The following PDE1A variants were observed in gnomAD, a reference collection of about 807,000 sequenced individuals.
PDE1A encodes the protein phosphodiesterase 1A.
In PDE1A, 35 loss-of-function variants were observed where a neutral mutation model predicts 61.7. The observed-to-expected ratio is 0.57, with a 90% confidence interval of 0.43 to 0.75. The LOEUF (loss-of-function observed/expected upper bound fraction) is 0.75, where lower values mean the gene tolerates loss of function less well. Among genes scored for constraint, PDE1A ranks in the 30% least tolerant of loss-of-function variants. The pLI is 0.00. For missense variants in PDE1A, 597 were observed against 630.6 expected (o/e 0.95, Z 0.57); for synonymous variants, 232 against 213.2 (o/e 1.09, Z -0.77).
At chr2:182,560,291 C>T in the PDE1A span, among the ~76,000 whole-genome samples, 4 of 147,178 alleles carry the variant, frequency 2.7e-5, no homozygotes, top group Non-Finnish European at 5.9e-5. Flanking sequence ...TCAATTCCCA[C>T]CTATGAGTGA....
At chr2:182,143,050 T>G (rs977244611), downstream of PDE1A, 1 of 152,170 alleles carries the variant, frequency 6.6e-6, no homozygotes, top group African/African-American at 2.4e-5. Flanking sequence ...TGAAATAAAA[T>G]CCAAATGAAA....
At chr2:182,432,170 A>T (rs1703983960) in intron 2 of PDE1A, among the ~76,000 whole-genome samples, 1 of 152,082 alleles carries the variant, frequency 6.6e-6, no homozygotes, top group African/African-American at 2.4e-5. Context: ...GTTGGACCAG[A>T]TGACCTCTAA....
rs191140197 is a variant in PDE1A, at chr2:182,274,006, T to C, written c.54-9592A>G. Among the ~76,000 whole-genome samples, 366 of 152,244 alleles carry C rather than the reference T, an allele frequency of 2.4e-3. 1 individual carries two copies. The highest frequency in any genetic ancestry group is 8.5e-3 in the African/African-American group (353 of 41,560). On this transcript the variant is annotated intron_variant, in intron 1 of 13. Coordinates refer to ENST00000351439, the Ensembl canonical transcript of PDE1A. ...CTGACCGAGGTGTTGGCAGATTCAA[T>C]GTCTGGTGAGGGCCTTCTTCCCAGT...
At chr2:182,513,248 C>A (rs1689922448) in intron 2 of PDE1A, among the ~76,000 whole-genome samples, 1 of 152,146 alleles carries the variant, frequency 6.6e-6, no homozygotes, top group Non-Finnish European at 1.5e-5. Flanking sequence ...AATAGCAGAC[C>A]TTTCAACAAA....
chr2:182,336,138 G>A (rs1408742797), intron 1 of PDE1A, among the ~76,000 whole-genome samples: 1 of 152,186 alleles, frequency 6.6e-6, no homozygotes, highest in East Asian at 1.9e-4. Context: ...AAGAGGATGT[G>A]AAGAAATAGG....
chr2:182,407,693 G>T (rs998632825), intron 1 of PDE1A, among the ~76,000 whole-genome samples: 1 of 151,982 alleles, frequency 6.6e-6, no homozygotes, highest in African/African-American at 2.4e-5. Context: ...CATACTTTAC[G>T]TAGCATATTT....
chr2:182,181,164 G>A (rs1684727608), intron 13 of PDE1A, among the ~76,000 whole-genome samples: 1 of 152,202 alleles, frequency 6.6e-6, no homozygotes, highest in Admixed American at 6.5e-5. Context: ...GAGGAGAAGA[G>A]GCATTCTGGC....
the PDE1A span, among the ~76,000 whole-genome samples, chr2:182,529,832 T>C: frequency 6.6e-6 from 1 of 152,220 alleles, no homozygotes; most frequent in Non-Finnish European, 1.5e-5. Context: ...AAGATGTGAC[T>C]TGATTTCCAC....
chr2:182,185,911 C>T lies in PDE1A; in HGVS notation c.1497G>A (p.Trp499Ter). 6.2e-7 allele frequency: 1 copy of T among 1,614,006 alleles called. No homozygotes were observed. The highest frequency in any genetic ancestry group is 1.7e-4 in the Middle Eastern group (1 of 6,060). The change falls in exon 13 of 14, where the codon TGG becomes TGA. Residue 499 changes from tryptophan to a stop codon, truncating the protein, a stop_gained. Transcript: ENST00000351439. LOFTEE classifies it high-confidence loss of function. ...CACTACCTTGTGCAGCTAACTCTTT[C>T]CACCTCTCTTTGTTCTGCTGAATGA... is the stretch of plus-strand genomic sequence containing the variant.
chr2:182,279,541 A>T (rs1269868989), intron 1 of PDE1A, among the ~76,000 whole-genome samples: 1 of 151,938 alleles, frequency 6.6e-6, no homozygotes, highest in Non-Finnish European at 1.5e-5. Context: ...TATCCTTTAC[A>T]GCTTCAATGG....
chr2:182,691,340 C>A, the PDE1A span, among the ~76,000 whole-genome samples: 10 of 152,226 alleles, frequency 6.6e-5, no homozygotes, highest in Middle Eastern at 0.02. Flanking sequence ...AGATATAGAC[C>A]AATGGAACAG....
At chr2:182,238,069 C>T (rs1311453107) in intron 3 of PDE1A, among the ~76,000 whole-genome samples, 1 of 151,708 alleles carries the variant, frequency 6.6e-6, no homozygotes, top group African/African-American at 2.4e-5. Context: ...GAGATCAAGA[C>T]CATTCTGGCT....
chr2:182,567,791 CTTTTT>C, the PDE1A span, among the ~76,000 whole-genome samples: 1 of 138,870 alleles, frequency 7.2e-6, no homozygotes, highest in Non-Finnish European at 1.6e-5. Context: ...TTCTTTTTTT[CTTTTT>C]TCTTTTTTTT....
At chr2:182,636,104 C>A in the PDE1A span, among the ~76,000 whole-genome samples, 1 of 151,550 alleles carries the variant, frequency 6.6e-6, no homozygotes, top group Non-Finnish European at 1.5e-5. Context: ...TACAGGTGCC[C>A]GCCACCGTGC....
chr2:182,363,781 A>C (rs998903753), intron 1 of PDE1A, among the ~76,000 whole-genome samples: 4 of 152,102 alleles, frequency 2.6e-5, no homozygotes, highest in African/African-American at 7.2e-5. Flanking sequence ...TGAGAAAGTA[A>C]TGCTACTACA....
chr2:182,408,141 T>G (rs1702407389), intron 1 of PDE1A, among the ~76,000 whole-genome samples: 1 of 140,156 alleles, frequency 7.1e-6, no homozygotes, highest in African/African-American at 2.7e-5. Flanking sequence ...TGGAGTTTAG[T>G]CAATCAATTT....
At chr2:182,397,885 T>C (rs1407310079) in intron 1 of PDE1A, among the ~76,000 whole-genome samples, 3 of 152,110 alleles carry the variant, frequency 2.0e-5, no homozygotes, top group Non-Finnish European at 4.4e-5. Flanking sequence ...TGTAACAGTC[T>C]CCGCACTTAC....
intron 1 of PDE1A, among the ~76,000 whole-genome samples, chr2:182,294,382 A>G (rs576567892): frequency 6.6e-6 from 1 of 152,322 alleles, no homozygotes; most frequent in Admixed American, 6.5e-5. Flanking sequence ...GGAATGAAAC[A>G]CTAATATTTT....
chr2:182,687,749 C>T, the PDE1A span, among the ~76,000 whole-genome samples: 4 of 152,206 alleles, frequency 2.6e-5, no homozygotes, highest in East Asian at 1.9e-4. Context: ...GAAGGAAGTT[C>T]GAACCCATCG....
Sources: allele counts gnomAD v4.1 joint callset (sites outside exome capture counted in the v4.1 genomes callset), GRCh38; gene constraint gnomAD v4.1.1; transcripts MANE v1.5; gene names NCBI Gene and HGNC (gene_info 2026-07-23, HGNC 2026-07-21).